CCBE1: variants seen among roughly 807,000 people sequenced by gnomAD.
CCBE1 encodes the protein collagen and calcium binding EGF domains 1, also known as collagen and calcium-binding EGF domain-containing protein 1.
Under a neutral mutation model 50.0 loss-of-function variants are expected in CCBE1, and 37 were observed. The observed-to-expected ratio is 0.74, with a 90% CI of 0.57 to 0.97. CCBE1 has a LOEUF of 0.97. Among genes scored for constraint, CCBE1 ranks in the 50% least tolerant of loss-of-function variants. The pLI is 0.00. For synonymous variants in CCBE1, 234 were observed against 203.7 expected, an observed-to-expected ratio of 1.15 and a Z score of -1.27; for missense variants, 538 against 523.8, an observed-to-expected ratio of 1.03 and a Z score of -0.26.
chr18:59,511,725 G>T (rs1914140652), intron 2 of CCBE1, among the ~76,000 whole-genome samples: 1 of 152,116 alleles, frequency 6.6e-6, no homozygotes, highest in African/African-American at 2.4e-5. Flanking sequence ...CTGCATATTT[G>T]TAACCATTAA....
At chr18:59,479,502 C>T (rs998530671) in intron 3 of CCBE1, among the ~76,000 whole-genome samples, 1 of 152,208 alleles carries the variant, frequency 6.6e-6, no homozygotes, top group Non-Finnish European at 1.5e-5. Context: ...TAATAAGAAA[C>T]AGCCTCTGTT....
At chr18:59,613,771 T>G (rs2053601093) in intron 2 of CCBE1, among the ~76,000 whole-genome samples, 1 of 151,896 alleles carries the variant, frequency 6.6e-6, no homozygotes, top group African/African-American at 2.4e-5. Flanking sequence ...ATATGGTTAG[T>G]TCTTAATGAC....
At chr18:59,694,649 C>T (rs1268651426) in intron 2 of CCBE1, among the ~76,000 whole-genome samples, 1 of 152,154 alleles carries the variant, frequency 6.6e-6, no homozygotes, top group Non-Finnish European at 1.5e-5. Context: ...CCAGATGATA[C>T]TTGAGGTAGT....
intron 4 of CCBE1, among the ~76,000 whole-genome samples, 191 bp from the exon 5 acceptor site, chr18:59,467,082 T>G (rs1216314726): frequency 1.3e-5 from 2 of 152,212 alleles, no homozygotes; most frequent in Non-Finnish European, 2.9e-5. Flanking sequence ...TTTGGCCAAG[T>G]GGCCATTGTT....
intron 2 of CCBE1, among the ~76,000 whole-genome samples, chr18:59,685,623 C>A: frequency 6.6e-6 from 1 of 152,240 alleles, no homozygotes; most frequent in East Asian, 1.9e-4. Context: ...CTGGCAACCA[C>A]CTCCAGAGTT....
At chr18:59,694,930 C>T (rs769331616) in intron 2 of CCBE1, among the ~76,000 whole-genome samples, 22 of 152,222 alleles carry the variant, frequency 1.4e-4, no homozygotes, top group East Asian at 5.8e-4. Context: ...GTCATTTTTG[C>T]GAGATCTCAT....
intron 2 of CCBE1, among the ~76,000 whole-genome samples, chr18:59,695,532 G>T (rs980786979): frequency 5.9e-5 from 9 of 152,316 alleles, no homozygotes; most frequent in Middle Eastern, 3.4e-3. Context: ...TTTAAGAGCA[G>T]AAGTACGCGA....
chr18:59,660,107 C>T (rs555087942), intron 2 of CCBE1, among the ~76,000 whole-genome samples: 89 of 152,250 alleles, frequency 5.8e-4, no homozygotes, highest in African/African-American at 1.9e-3. Flanking sequence ...TTGCCCTGTA[C>T]GTGGGCACCC....
chr18:59,488,651 G>C (rs1416204345), intron 2 of CCBE1, among the ~76,000 whole-genome samples: 1 of 152,170 alleles, frequency 6.6e-6, no homozygotes, highest in Admixed American at 6.5e-5. Context: ...CCCCAGGTGA[G>C]AATCCGGGCT....
rs1910091246 is a variant in CCBE1 at position 59,435,089 on chromosome 18, A to G, written c.*819T>C. On this transcript the variant is annotated 3_prime_UTR_variant, in exon 11 of 11. Coordinates refer to ENST00000439986, the MANE Select transcript of CCBE1 (RefSeq NM_133459.4). ...CCACTGTTGATTAAACAGCTTTAAA[A>G]TATTATAGCAAACGAGAGCCCATTG... is the stretch of plus-strand genomic sequence containing the variant. 6.6e-6 allele frequency: 1 copy of G among 152,238 alleles called. No homozygotes were observed. Among genetic ancestry groups the G allele is most frequent in the Admixed American group, 6.5e-5 (1 of 15,286 alleles). The allele number at this position is 152,238 out of a possible 1,614,324, so 9.4% of individuals were successfully genotyped here.
intron 2 of CCBE1, among the ~76,000 whole-genome samples, chr18:59,545,596 A>G (rs1915650697): frequency 6.6e-6 from 1 of 152,202 alleles, no homozygotes; most frequent in Non-Finnish European, 1.5e-5. Context: ...TTGCAATTAC[A>G]AATAATGAAA....
chr18:59,452,762 T>C (rs1911001438), intron 6 of CCBE1, among the ~76,000 whole-genome samples: 1 of 152,210 alleles, frequency 6.6e-6, no homozygotes, highest in Non-Finnish European at 1.5e-5. Flanking sequence ...TGATTCTGGA[T>C]ATAACGCTTT....
At chr18:59,553,514 C>T (rs1415873700) in intron 2 of CCBE1, among the ~76,000 whole-genome samples, 2 of 152,168 alleles carry the variant, frequency 1.3e-5, no homozygotes, top group African/African-American at 2.4e-5. Context: ...GATATGGAGT[C>T]GTAGCTGCTG....
chr18:59,563,705 G>C (rs1204156235), intron 2 of CCBE1: 1 of 152,180 alleles, frequency 6.6e-6, no homozygotes, highest in Non-Finnish European at 1.5e-5. Flanking sequence ...CATAAAAGAT[G>C]ATCAGAAGCC....
At chr18:59,450,944 T>G (rs1443564132) in intron 6 of CCBE1, among the ~76,000 whole-genome samples, 2 of 152,088 alleles carry the variant, frequency 1.3e-5, no homozygotes, top group Admixed American at 1.3e-4. Context: ...GAGGCAAAGG[T>G]GATGCTAGAC....
chr18:59,491,406 T>C (rs1021745823), intron 2 of CCBE1, among the ~76,000 whole-genome samples: 7 of 152,212 alleles, frequency 4.6e-5, no homozygotes, highest in African/African-American at 1.7e-4. Context: ...AAGCTGCAAA[T>C]GTGGGCATTT....
At chr18:59,640,346 AT>A (rs1377747475) in intron 2 of CCBE1, among the ~76,000 whole-genome samples, 1 of 152,228 alleles carries the variant, frequency 6.6e-6, no homozygotes, top group Non-Finnish European at 1.5e-5. Flanking sequence ...CAACCATCTG[AT>A]CTTCAACAAA....
At chr18:59,546,806 A>C (rs1403571689) in intron 2 of CCBE1, among the ~76,000 whole-genome samples, 2 of 152,094 alleles carry the variant, frequency 1.3e-5, no homozygotes, top group African/African-American at 4.8e-5. Context: ...TGTCTATAGT[A>C]ATTTAAAACA....
chr18:59,480,761 T>C (rs1294333822), intron 2 of CCBE1, among the ~76,000 whole-genome samples: 1 of 152,096 alleles, frequency 6.6e-6, no homozygotes, highest in Non-Finnish European at 1.5e-5. Context: ...TGATTTTTTT[T>C]TTTAAAACAC....
Sources: gnomAD v4.1 joint callset for allele counts (sites outside exome capture counted in the v4.1 genomes callset) on GRCh38, gnomAD v4.1.1 for gene constraint, MANE v1.5 for transcripts, NCBI Gene and HGNC (gene_info 2026-07-23, HGNC 2026-07-21) for gene names.